TENM3: variants seen among roughly 807,000 people sequenced by gnomAD.
TENM3 encodes teneurin transmembrane protein 3.
Under a neutral mutation model 255.1 loss-of-function variants are expected in TENM3, and 63 were observed. The ratio of observed to expected loss-of-function variants is 0.25; its 90% confidence interval spans 0.20 to 0.30. TENM3 has a LOEUF of 0.30. Among genes scored for constraint, TENM3 ranks in the 10% least tolerant of loss-of-function variants. The pLI is 1.00. For missense variants in TENM3, 2,929 were observed against 3,461.1 expected, an observed-to-expected ratio of 0.85 and a Z score of 3.86; for synonymous variants, 1,306 against 1,322.3, an observed-to-expected ratio of 0.99 and a Z score of 0.27.
the TENM3 span, among the ~76,000 whole-genome samples, chr4:181,946,683 T>C: frequency 6.6e-6 from 1 of 152,198 alleles, no homozygotes. Flanking sequence ...GGTAATAATT[T>C]GTAAAATACA....
At chr4:182,208,877 T>G (rs1429747586) in intron 1 of TENM3, among the ~76,000 whole-genome samples, 2 of 152,240 alleles carry the variant, frequency 1.3e-5, no homozygotes. Context: ...TCAAAGTATA[T>G]TTCCTATCTT....
intron 1 of TENM3, among the ~76,000 whole-genome samples, chr4:182,307,755 G>A (rs1198339434): frequency 6.6e-6 from 1 of 152,176 alleles, no homozygotes; most frequent in African/African-American, 2.4e-5. Context: ...ACTCCAAATT[G>A]TTGTTGTGGT....
the TENM3 span, among the ~76,000 whole-genome samples, chr4:182,128,549 G>A: frequency 6.6e-6 from 1 of 152,032 alleles, no homozygotes; most frequent in East Asian, 1.9e-4. Flanking sequence ...TGCTTCTATT[G>A]TTCCTTTTTC....
chr4:182,220,105 G>A (rs767113352), intron 1 of TENM3, among the ~76,000 whole-genome samples: 7 of 152,154 alleles, frequency 4.6e-5, no homozygotes, highest in East Asian at 1.9e-4. Flanking sequence ...GGCCAGGCAC[G>A]TTGGCTGATG....
intron 3 of TENM3, among the ~76,000 whole-genome samples, chr4:182,424,605 C>T (rs73869984): frequency 0.017 from 2,538 of 152,148 alleles, 57 homozygotes; most frequent in African/African-American, 0.053. Context: ...AACCTTGCCA[C>T]CATTTAAAGA....
chr4:181,831,432 T>C, the TENM3 span, among the ~76,000 whole-genome samples: 1 of 151,804 alleles, frequency 6.6e-6, no homozygotes. Context: ...TTATTTAATA[T>C]TGTTGCTATC....
upstream of TENM3, among the ~76,000 whole-genome samples, chr4:182,240,522 G>C (rs1020742919): frequency 2.0e-5 from 3 of 152,156 alleles, no homozygotes; most frequent in Non-Finnish European, 4.4e-5. Flanking sequence ...GAGATAAAAG[G>C]GGAGATGTAG....
At chr4:182,229,610 GTA>G (rs1381372594) in intron 1 of TENM3, among the ~76,000 whole-genome samples, 2 of 142,932 alleles carry the variant, frequency 1.4e-5, no homozygotes, top group Admixed American at 6.8e-5. Flanking sequence ...GTGTATGTGT[GTA>G]TATATATGTG....
At chr4:181,574,231 C>T in the TENM3 span, among the ~76,000 whole-genome samples, 2 of 152,176 alleles carry the variant, frequency 1.3e-5, no homozygotes, top group Admixed American at 1.3e-4. Flanking sequence ...ATCTCTTCAC[C>T]TTCATATAAA....
At position 182,688,110 on chromosome 4, in the gene TENM3, C is replaced by T; in HGVS notation, c.2036-56C>T. 9 of 1,439,276 alleles carry T rather than the reference C, an allele frequency of 6.3e-6. 1 individual carries two copies. The highest frequency in any genetic ancestry group is 1.4e-5 in the African/African-American group (1 of 69,520). The allele number at this position is 1,439,276 out of a possible 1,614,324, so 89.2% of individuals were successfully genotyped here. A position where few individuals can be genotyped will look rare whatever the true frequency, so the allele number is the denominator to read the frequency against. On this transcript the variant is annotated intron_variant, in intron 11 of 27. Transcript: ENST00000511685. ...AAGATAAAAGCTGCTTATTAATTCC[C>T]CTTCTCTCTCCCGCCACTCTTCTCT...
At chr4:182,748,126 G>A (rs995380547) in intron 19 of TENM3, among the ~76,000 whole-genome samples, 12 of 152,206 alleles carry the variant, frequency 7.9e-5, no homozygotes, top group Admixed American at 3.9e-4. Context: ...TGAGACTAGA[G>A]AAGATGTCTT....
At chr4:181,627,785 G>A in the TENM3 span, among the ~76,000 whole-genome samples, 194 of 152,192 alleles carry the variant, frequency 1.3e-3, no homozygotes, top group African/African-American at 4.1e-3. Flanking sequence ...GAATAGTACC[G>A]CAATAAACAT....
intron 1 of TENM3, among the ~76,000 whole-genome samples, chr4:182,260,797 A>G (rs1446848143): frequency 6.6e-6 from 1 of 152,260 alleles, no homozygotes; most frequent in Non-Finnish European, 1.5e-5. Context: ...ATGAAAAATC[A>G]TCAGTTAGTG....
intron 2 of TENM3, among the ~76,000 whole-genome samples, chr4:182,338,066 A>G (rs1764253855): frequency 6.6e-6 from 1 of 152,210 alleles, no homozygotes; most frequent in African/African-American, 2.4e-5. Context: ...GGAAGTATCC[A>G]CTTTAGATCT....
At position 182,447,949 on chromosome 4, in the gene TENM3, G is replaced by GA. The variant is rs199730348; in HGVS notation, c.511+101026dup. On this transcript the variant is annotated intron_variant, in intron 3 of 27. Transcript: ENST00000511685. Reference sequence around the variant, plus strand: ...TAATGATAATAGTGGATCTGGAGGGGAAAAAACACAATTTTTTATAAAAAT... The same window carrying GA: ...TAATGATAATAGTGGATCTGGAGGGGAAAAAAACACAATTTTTTATAAAAAT... Among the ~76,000 whole-genome samples, 1,471 of 152,238 alleles carry GA rather than the reference G, an allele frequency of 9.7e-3. 29 individuals carry two copies. Among genetic ancestry groups the GA allele is most frequent in the African/African-American group, 0.033 (1,372 of 41,536 alleles).
At chr4:181,616,973 C>A in the TENM3 span, among the ~76,000 whole-genome samples, 1 of 152,144 alleles carries the variant, frequency 6.6e-6, no homozygotes, top group Admixed American at 6.5e-5. Context: ...AGCCCTTATT[C>A]CAGTCAGGTA....
intron 3 of TENM3, among the ~76,000 whole-genome samples, chr4:182,566,142 C>T (rs184524558): frequency 9.2e-5 from 14 of 152,308 alleles, no homozygotes; most frequent in Admixed American, 5.2e-4. Context: ...AGACATTGCA[C>T]GGCTTCTTTC....
chr4:182,067,299 G>T, the TENM3 span, among the ~76,000 whole-genome samples: 1 of 152,070 alleles, frequency 6.6e-6, no homozygotes, highest in South Asian at 2.1e-4. Flanking sequence ...TCAGACGAAC[G>T]GAGTGTTCAT....
At chr4:181,638,801 T>C in the TENM3 span, among the ~76,000 whole-genome samples, 1 of 152,328 alleles carries the variant, frequency 6.6e-6, no homozygotes, top group African/African-American at 2.4e-5. Flanking sequence ...AGAGTTCCTT[T>C]AAATCAGCAG....
Sources: allele counts gnomAD v4.1 joint callset (sites outside exome capture counted in the v4.1 genomes callset), GRCh38; gene constraint gnomAD v4.1.1; transcripts MANE v1.5; gene names NCBI Gene and HGNC (gene_info 2026-07-23, HGNC 2026-07-21).